Variants in PYROXD1 observed in about 807,000 individuals in gnomAD.
PYROXD1 encodes the protein pyridine nucleotide-disulphide oxidoreductase domain 1.
In PYROXD1, 42 loss-of-function variants were observed where a neutral mutation model predicts 62.0. That is an observed-to-expected ratio of 0.68 (90% CI 0.53 to 0.88). The LOEUF is 0.88. PYROXD1 is among the 40% of genes least tolerant of loss of function. The pLI is 0.00. For synonymous variants in PYROXD1, 170 were observed against 206.4 expected, an observed-to-expected ratio of 0.82 and a Z score of 1.51; for missense variants, 493 against 604.8, an observed-to-expected ratio of 0.82 and a Z score of 1.94.
rs1182559131 is a variant in PYROXD1, at chr12:21,469,589, T to C, written c.*835T>C. ...TCAAAAGAAAAAATATAGCTAAGTATATAAAGGCATAAAAAACTTAAGACA... is the reference window on the plus strand; with the variant it reads ...TCAAAAGAAAAAATATAGCTAAGTACATAAAGGCATAAAAAACTTAAGACA... On this transcript the variant is annotated 3_prime_UTR_variant, in exon 12 of 12. Transcript: ENST00000240651. 3 of 151,944 alleles carry C rather than the reference T, an allele frequency of 2.0e-5. No homozygotes were observed. Among genetic ancestry groups the C allele is most frequent in the African/African-American group, 7.3e-5 (3 of 41,260 alleles). 9.4% of individuals were successfully genotyped at this position (151,944 alleles called of 1,614,324 possible).
intron 7 of PYROXD1, chr12:21,456,939 A>G (rs1233426234): frequency 2.3e-6 from 1 of 443,910 alleles, no homozygotes; most frequent in Non-Finnish European, 4.5e-6. Context: ...CATGAGAAAC[A>G]ACAACTCATC....
chr12:21,467,287 A>C (rs1942814547), intron 10 of PYROXD1, 194 bp from the exon 11 acceptor site: 2 of 463,500 alleles, frequency 4.3e-6, no homozygotes. Flanking sequence ...TTAATTTTAG[A>C]GGCAGTAATT....
intron 10 of PYROXD1, 79 bp from the exon 11 acceptor site, chr12:21,467,402 A>G (rs1329209336): frequency 7.4e-7 from 1 of 1,353,912 alleles, no homozygotes; most frequent in Non-Finnish European, 1.0e-6. Flanking sequence ...GAACTCCTTT[A>G]AGTGAATTTA....
chr12:21,460,506 C>G lies in PYROXD1; in HGVS notation c.751-519C>G, dbSNP rs575040235. 2.3e-3 allele frequency among the ~76,000 whole-genome samples: 345 copies of G among 151,804 alleles called. 2 individuals are homozygous for G. Among genetic ancestry groups the G allele is most frequent in the Non-Finnish European group, 3.2e-3 (218 of 67,942 alleles). On this transcript the variant is annotated intron_variant, in intron 7 of 11. Transcript: ENST00000240651. ...TGGTATGATCTTGGCTCGCTGCAAC[C>G]TCTGCCTCCCGGGTTCAAGCGAGTC...
Position 21,468,477 on chromosome 12 carries a change from G to A in PYROXD1, c.1255-29G>A, listed in dbSNP as rs1381169144. On this transcript the variant is annotated intron_variant, in intron 11 of 11. Transcript: ENST00000240651. ...ATTACATTTTCTTTATGATACTCAT[G>A]ACAATAACCTTTTTATCTCTAAATA... is the stretch of plus-strand genomic sequence containing the variant. 5 of 1,587,486 alleles carry A rather than the reference G, an allele frequency of 3.1e-6. No homozygotes were observed. In the South Asian group the frequency reaches 3.4e-5, roughly 11 times the overall value.
At chr12:21,462,640 G>A in intron 9 of PYROXD1, 100 bp from the exon 10 acceptor site, 1 of 1,306,950 alleles carries the variant, frequency 7.7e-7, no homozygotes, top group South Asian at 1.2e-5. Context: ...TTAAAGATGA[G>A]CATGCAAAGT....
chr12:21,455,808 A>G (rs565501924), intron 6 of PYROXD1, among the ~76,000 whole-genome samples, 187 bp from the exon 7 acceptor site: 33 of 152,244 alleles, frequency 2.2e-4, no homozygotes, highest in Middle Eastern at 3.4e-3. Flanking sequence ...CTGAAAGATT[A>G]TCTGTTTTGT....
At chr12:21,443,746 T>G (rs1942338090) in intron 2 of PYROXD1, among the ~76,000 whole-genome samples, 2 of 152,140 alleles carry the variant, frequency 1.3e-5, no homozygotes, top group African/African-American at 4.8e-5. Context: ...TCTGGTAATA[T>G]CCTGATAATG....
chr12:21,448,635 T>C (rs1942436556), intron 3 of PYROXD1, among the ~76,000 whole-genome samples: 1 of 152,226 alleles, frequency 6.6e-6, no homozygotes, highest in Non-Finnish European at 1.5e-5. Flanking sequence ...TATAAATGTC[T>C]CATTGGATGT....
intron 3 of PYROXD1, 111 bp from the exon 4 acceptor site, chr12:21,449,452 C>A: frequency 3.0e-6 from 3 of 994,442 alleles, no homozygotes; most frequent in Non-Finnish European, 4.4e-6. Flanking sequence ...AAGAGGCAAC[C>A]TTAATATATT....
chr12:21,440,298 AC>A, intron 1 of PYROXD1, 69 bp from the exon 2 acceptor site: 1 of 841,526 alleles, frequency 1.2e-6, no homozygotes. Context: ...ATTATTCTCA[AC>A]CCCAAACCAT....
chr12:21,458,017 C>T (rs1942631267), intron 7 of PYROXD1, among the ~76,000 whole-genome samples: 1 of 152,140 alleles, frequency 6.6e-6, no homozygotes, highest in East Asian at 1.9e-4. Flanking sequence ...GCTTCAACTT[C>T]AAGTCACCAG....
chr12:21,447,049 A>G (rs1277117468), intron 3 of PYROXD1, among the ~76,000 whole-genome samples: 1 of 152,258 alleles, frequency 6.6e-6, no homozygotes, highest in Admixed American at 6.5e-5. Context: ...GCAGGACTCA[A>G]TAACCCTTTA....
In PYROXD1 at chr12:21,452,937, G is replaced by A. The variant is rs547016185; in HGVS notation, c.488+783G>A. 3.9e-5 allele frequency among the ~76,000 whole-genome samples: 6 copies of A among 152,062 alleles called. No individual in the cohort carries two copies. The South Asian group carries it at 1.0e-3, about 26-fold the overall frequency. On this transcript the variant is annotated intron_variant, in intron 5 of 11. Transcript: ENST00000240651. ...CTAGGTTTTTGCCCCTCTTTTAGCG[G>A]ATGATCTCACCCAGTGGAAGCCTGT...
chr12:21,469,686 A>AT lies in PYROXD1; in HGVS notation c.*942dup, dbSNP rs201322313. 5.0e-5 allele frequency: 7 copies of AT among 139,296 alleles called. No individual in the cohort carries two copies. Among genetic ancestry groups the AT allele is most frequent in the East Asian group, 2.2e-4 (1 of 4,596 alleles). The allele number at this position is 139,296 out of a possible 1,614,324, so 8.6% of individuals were successfully genotyped here. ...CTTAAAACATGAGATTTTTCTTGCA[A>AT]TTTTTTTTTTAAGCTCATCAGCTAT... On this transcript the variant is annotated 3_prime_UTR_variant, in exon 12 of 12. Transcript: ENST00000240651.
At chr12:21,438,911 T>A (rs777167435) in intron 1 of PYROXD1, among the ~76,000 whole-genome samples, 1 of 152,182 alleles carries the variant, frequency 6.6e-6, no homozygotes, top group Non-Finnish European at 1.5e-5. Context: ...CACAGCCTGC[T>A]GGAAGAGACA....
intron 1 of PYROXD1, among the ~76,000 whole-genome samples, chr12:21,439,808 A>T (rs1264756088): frequency 6.6e-6 from 1 of 152,218 alleles, no homozygotes; most frequent in Non-Finnish European, 1.5e-5. Flanking sequence ...AACATTAACA[A>T]GTTATACCTC....
chr12:21,462,660 T>A lies in PYROXD1; in HGVS notation c.994-80T>A. 5 of 1,500,506 alleles carry A rather than the reference T, an allele frequency of 3.3e-6. No individual in the cohort carries two copies. The South Asian group carries it at 5.7e-5, about 17-fold the overall frequency. The allele number at this position is 1,500,506 out of a possible 1,614,324, so 92.9% of individuals were successfully genotyped here. On this transcript the variant is annotated intron_variant, in intron 9 of 11. Coordinates refer to ENST00000240651, the MANE Select transcript of PYROXD1 (RefSeq NM_024854.5). ...GATGAGCATGCAAAGTGTAACAATT[T>A]AATTTGTTCTTTTACTTTAAAATGG... is the stretch of plus-strand genomic sequence containing the variant.
chr12:21,449,926 C>T lies in PYROXD1; in HGVS notation c.414+235C>T, dbSNP rs188473682. Among the ~76,000 whole-genome samples the T allele has an allele frequency of 4.4e-3, 667 of 150,758 alleles. 12 individuals are homozygous for T. Among genetic ancestry groups the T allele is most frequent in the African/African-American group, 0.015 (607 of 41,078 alleles). On this transcript the variant is annotated intron_variant, in intron 4 of 11. Transcript: ENST00000240651. The stretch of plus-strand genomic sequence containing the variant: ...AGGCTGGAGTGCAGTGGCGCAGTCT[C>T]GGCTCACTGCAAGCTCCGCCTCCCA...
Sources: gnomAD v4.1 joint callset for allele counts (sites outside exome capture counted in the v4.1 genomes callset) on GRCh38, gnomAD v4.1.1 for gene constraint, MANE v1.5 for transcripts, NCBI Gene and HGNC (gene_info 2026-07-23, HGNC 2026-07-21) for gene names.